Variants in KCNQ5 observed in about 807,000 individuals in gnomAD.
KCNQ5 encodes the protein potassium voltage-gated channel subfamily Q member 5.
Under a neutral mutation model 98.2 loss-of-function variants are expected in KCNQ5, and 30 were observed. The observed-to-expected ratio is 0.31, with a 90% CI of 0.23 to 0.41. The LOEUF is 0.41. KCNQ5 is among the 10% of genes least tolerant of loss of function. The pLI is 1.00. For synonymous variants in KCNQ5, 458 were observed against 449.4 expected, an observed-to-expected ratio of 1.02 and a Z score of -0.24; for missense variants, 835 against 1,182.5, an observed-to-expected ratio of 0.71 and a Z score of 4.31.
At position 72,798,699 on chromosome 6, in the gene KCNQ5, A is replaced by G. The variant is rs142292629; in HGVS notation, c.398+176112A>G. ...CATTAGGTTTCACTTAGTGTAATAC[A>G]TAATTCATAAATGTGAATATTCTCA... On this transcript the variant is annotated intron_variant, in intron 1 of 13. Coordinates refer to ENST00000370398, the MANE Select transcript of KCNQ5 (RefSeq NM_019842.4). Among the ~76,000 whole-genome samples, 119 of 152,334 alleles carry G rather than the reference A, an allele frequency of 7.8e-4. No individual in the cohort carries two copies. In the East Asian group the frequency reaches 0.02, roughly 26 times the overall value.
chr6:72,653,287 T>A (rs1285285435), intron 1 of KCNQ5, among the ~76,000 whole-genome samples: 1 of 151,936 alleles, frequency 6.6e-6, no homozygotes, highest in African/African-American at 2.4e-5. Flanking sequence ...CTTTCTTTCC[T>A]GAGTGCTTCA....
chr6:72,829,833 G>T (rs1337229750), intron 1 of KCNQ5, among the ~76,000 whole-genome samples: 1 of 152,134 alleles, frequency 6.6e-6, no homozygotes, highest in East Asian at 1.9e-4. Context: ...AGAGTAGTGG[G>T]AAAGTGGAAC....
chr6:72,842,099 A>G (rs1053475461), intron 1 of KCNQ5, among the ~76,000 whole-genome samples: 1 of 152,230 alleles, frequency 6.6e-6, no homozygotes, highest in African/African-American at 2.4e-5. Context: ...CACATCACGA[A>G]GCAAGGGTTC....
At chr6:72,766,744 G>A (rs183759799) in intron 1 of KCNQ5, among the ~76,000 whole-genome samples, 40 of 152,010 alleles carry the variant, frequency 2.6e-4, no homozygotes, top group African/African-American at 9.4e-4. Context: ...GAAAAATATG[G>A]TATGTTGGGG....
chr6:73,144,575 A>T (rs1776849145), intron 10 of KCNQ5, among the ~76,000 whole-genome samples: 1 of 152,218 alleles, frequency 6.6e-6, no homozygotes, highest in Non-Finnish European at 1.5e-5. Context: ...GAAAAATGTC[A>T]TGACCCTATA....
intron 10 of KCNQ5, among the ~76,000 whole-genome samples, chr6:73,141,544 T>C (rs1776710936): frequency 6.6e-6 from 1 of 152,210 alleles, no homozygotes; most frequent in Non-Finnish European, 1.5e-5. Flanking sequence ...TGTCCCATGG[T>C]TTGTTGTTAC....
At chr6:72,939,031 A>G (rs1398828388) in intron 1 of KCNQ5, among the ~76,000 whole-genome samples, 1 of 152,240 alleles carries the variant, frequency 6.6e-6, no homozygotes, top group Non-Finnish European at 1.5e-5. Flanking sequence ...CCTGTACCAC[A>G]CTTGTCATAT....
chr6:72,884,587 T>A (rs902835361), intron 1 of KCNQ5, among the ~76,000 whole-genome samples: 2 of 151,470 alleles, frequency 1.3e-5, no homozygotes, highest in African/African-American at 4.9e-5. Context: ...TCTATAGCAA[T>A]AGAAATCATT....
intron 9 of KCNQ5, among the ~76,000 whole-genome samples, chr6:73,132,248 C>T (rs1035575555): frequency 4.6e-5 from 7 of 152,134 alleles, no homozygotes; most frequent in Non-Finnish European, 8.8e-5. Flanking sequence ...ACAAAGGCTG[C>T]GGCTTTACTC....
chr6:73,053,977 A>C (rs1011558527), intron 3 of KCNQ5, among the ~76,000 whole-genome samples: 2 of 152,108 alleles, frequency 1.3e-5, no homozygotes, highest in African/African-American at 4.8e-5. Context: ...AAAAAGAGAG[A>C]TCAAAATAAA....
chr6:73,024,381 T>TTAGATAGATAGATAGATAGATA (rs57909943), intron 2 of KCNQ5, among the ~76,000 whole-genome samples: 1 of 120,548 alleles, frequency 8.3e-6, no homozygotes, highest in Non-Finnish European at 1.7e-5. Context: ...GATAGATAGA[T>TTAGATAGATAGATAGATAGATA]GATAGATAGA....
chr6:72,963,865 T>G (rs1256981398), intron 1 of KCNQ5, among the ~76,000 whole-genome samples: 1 of 152,148 alleles, frequency 6.6e-6, no homozygotes, highest in Non-Finnish European at 1.5e-5. Flanking sequence ...GGTTTCACCA[T>G]GTTGACCAGC....
chr6:73,073,282 G>C (rs1224865845), intron 3 of KCNQ5, among the ~76,000 whole-genome samples: 2 of 152,130 alleles, frequency 1.3e-5, no homozygotes, highest in African/African-American at 4.8e-5. Context: ...GAAAGAGAAG[G>C]TTATAATATC....
chr6:72,903,232 G>A (rs1013550004), intron 1 of KCNQ5, among the ~76,000 whole-genome samples: 15 of 151,814 alleles, frequency 9.9e-5, no homozygotes, highest in Admixed American at 2.0e-4. Flanking sequence ...TTCTCTTCTT[G>A]GTTAATCTTG....
At chr6:73,019,179 A>G (rs1398765489) in intron 2 of KCNQ5, among the ~76,000 whole-genome samples, 2 of 152,066 alleles carry the variant, frequency 1.3e-5, no homozygotes, top group African/African-American at 4.8e-5. Context: ...GGCCAAGATT[A>G]CTCCAGCATT....
intron 1 of KCNQ5, among the ~76,000 whole-genome samples, chr6:72,899,199 C>T (rs1779378357): frequency 1.3e-5 from 2 of 152,152 alleles, no homozygotes; most frequent in African/African-American, 4.8e-5. Context: ...ATTTCATGGC[C>T]TGATATTTCA....
At chr6:73,170,905 G>C (rs946151824) in intron 11 of KCNQ5, among the ~76,000 whole-genome samples, 1 of 152,096 alleles carries the variant, frequency 6.6e-6, no homozygotes, top group Non-Finnish European at 1.5e-5. Flanking sequence ...CTGCACTCCA[G>C]CCTGGGCAAC....
chr6:72,712,136 G>GGAAT (rs1224697336), intron 1 of KCNQ5, among the ~76,000 whole-genome samples: 9 of 152,202 alleles, frequency 5.9e-5, no homozygotes, highest in African/African-American at 1.2e-4. Context: ...GTTTGTTTTA[G>GGAAT]GAATGAATGA....
At chr6:72,812,273 G>A (rs565259793) in intron 1 of KCNQ5, among the ~76,000 whole-genome samples, 1 of 152,086 alleles carries the variant, frequency 6.6e-6, no homozygotes, top group Admixed American at 6.5e-5. Flanking sequence ...AAGAATGCCT[G>A]ACCTCCTTGG....
Sources: gnomAD v4.1 joint callset for allele counts (sites outside exome capture counted in the v4.1 genomes callset) on GRCh38, gnomAD v4.1.1 for gene constraint, MANE v1.5 for transcripts, NCBI Gene and HGNC (gene_info 2026-07-23, HGNC 2026-07-21) for gene names.